Variants in EP300 observed in about 807,000 individuals in gnomAD.
EP300 encodes histone acetyltransferase p300.
EP300 carries 31 observed loss-of-function variants against 264.0 expected under a neutral mutation model. That is an observed-to-expected ratio of 0.12 (90% confidence interval 0.09 to 0.16). EP300 has a LOEUF of 0.16. Among genes scored for constraint, EP300 ranks in the 10% least tolerant of loss-of-function variants. The probability of loss-of-function intolerance (pLI) is 1.00; values close to 1 mark genes in which losing one functional copy is unlikely to be tolerated. For synonymous variants in EP300, 1,340 were observed against 1,045.4 expected (o/e 1.28, Z -5.44); for missense variants, 2,766 against 3,052.9 (o/e 0.91, Z 2.21).
chr22:41,164,250 C>T (rs919563263), intron 22 of EP300, 120 bp downstream of exon 22: 8 of 1,012,812 alleles, frequency 7.9e-6, no homozygotes, highest in African/African-American at 1.6e-5. Context: ...AAATTGTTTT[C>T]TTTGGGTTTG....
At chr22:41,176,607 G>A (rs2145514389) in intron 30 of EP300, 79 bp downstream of exon 30, 1 of 1,608,558 alleles carries the variant, frequency 6.2e-7, no homozygotes, top group Non-Finnish European at 8.5e-7. Context: ...GTATTTTATA[G>A]AGGCCTGTGG....
Position 41,149,155 on chromosome 22 carries a change from G to A in EP300, c.2359G>A (p.Gly787Ser), listed in dbSNP as rs564786569. Reference sequence around the variant, plus strand: ...AAATATCCCTTTGGCTCCGTCCAGCGGTCAAGCTCCAGTGTCTCAAGTATG... The same window carrying A: ...AAATATCCCTTTGGCTCCGTCCAGCAGTCAAGCTCCAGTGTCTCAAGTATG... Reference protein sequence around the residue: ...VTNIPLAPSSGQAPVSQAQMS... With the variant: ...VTNIPLAPSSSQAPVSQAQMS... The change falls in exon 13 of 31, where the codon GGT (glycine) becomes AGT (serine). Residue 787 changes from glycine (G) to serine (S), a missense_variant. Coordinates refer to ENST00000263253, the MANE Select transcript of EP300 (RefSeq NM_001429.4). 212 of 1,613,792 alleles carry A rather than the reference G, an allele frequency of 1.3e-4. 3 individuals carry two copies. In the South Asian group the frequency reaches 1.8e-3, roughly 14 times the overall value.
intron 2 of EP300, among the ~76,000 whole-genome samples, chr22:41,118,979 C>G (rs1022653071): frequency 6.7e-6 from 1 of 149,010 alleles, no homozygotes; most frequent in Admixed American, 6.8e-5. Flanking sequence ...GTAGATTCTC[C>G]CTTTCTGCCC....
intron 5 of EP300, 139 bp from the exon 6 acceptor site, chr22:41,131,249 A>G (rs2058917523): frequency 1.0e-6 from 1 of 992,730 alleles, no homozygotes; most frequent in South Asian, 1.4e-5. Context: ...CTTCCAGGAA[A>G]TAATGGAAGA....
At chr22:41,147,052 C>G (rs2059015050) in intron 11 of EP300, among the ~76,000 whole-genome samples, 1 of 152,152 alleles carries the variant, frequency 6.6e-6, no homozygotes, top group African/African-American at 2.4e-5. Flanking sequence ...CGCTTGTAAT[C>G]CCAGCACTTT....
chr22:41,129,021 T>G (rs1161728687), intron 4 of EP300, among the ~76,000 whole-genome samples: 6 of 152,076 alleles, frequency 3.9e-5, no homozygotes, highest in African/African-American at 1.4e-4. Flanking sequence ...AAACACAGTT[T>G]TTTTTTTGAG....
intron 27 of EP300, 99 bp from the exon 28 acceptor site, chr22:41,172,400 T>C (rs897821620): frequency 8.8e-7 from 1 of 1,133,780 alleles, no homozygotes; most frequent in East Asian, 2.5e-5. Context: ...TTTCAAGACA[T>C]TTTAAGCTTT....
intron 14 of EP300, among the ~76,000 whole-genome samples, 161 bp downstream of exon 14, chr22:41,150,359 C>T (rs1330358993): frequency 6.6e-6 from 1 of 152,106 alleles, no homozygotes; most frequent in African/African-American, 2.4e-5. Flanking sequence ...CCTGTTTTGC[C>T]TTCCTGTGAT....
chr22:41,111,039 C>A (rs146123406), intron 1 of EP300, among the ~76,000 whole-genome samples: 2 of 151,350 alleles, frequency 1.3e-5, no homozygotes, highest in Non-Finnish European at 2.9e-5. Context: ...AATCTCTGCT[C>A]ACTGCAAACT....
intron 7 of EP300, among the ~76,000 whole-genome samples, chr22:41,136,921 A>G (rs189053070): frequency 6.3e-4 from 96 of 152,148 alleles, no homozygotes; most frequent in South Asian, 3.7e-3. Context: ...TTAGCCGGGC[A>G]TGGTGGCATC....
Position 41,146,682 on chromosome 22 carries a change from TTTTG to T in EP300, c.2054-52_2054-49del, listed in dbSNP as rs995732409. Reference sequence around the variant, plus strand: ...TGTGGGGTTTGTGTGTGCAGTGAGTTTTTGTTTGGTTAAGGGAAGATGGTGCAAA... The same window carrying T: ...TGTGGGGTTTGTGTGTGCAGTGAGTTTTTGGTTAAGGGAAGATGGTGCAAA... On this transcript the variant is annotated intron_variant, in intron 10 of 30. Transcript: ENST00000263253. 2.1e-5 allele frequency: 32 copies of T among 1,519,218 alleles called. No individual in the cohort carries two copies. In the African/African-American group the frequency reaches 3.0e-4, roughly 14 times the overall value. 94.1% of individuals were successfully genotyped at this position (1,519,218 alleles called of 1,614,324 possible). A position where few individuals can be genotyped will look rare whatever the true frequency, so the allele number is the denominator to read the frequency against.
In EP300 at chr22:41,119,816, C is replaced by T. The variant is rs1449449166; in HGVS notation, c.729+1995C>T. Among the ~76,000 whole-genome samples the T allele has an allele frequency of 2.6e-5, 4 of 152,036 alleles. No individual in the cohort carries two copies. In the East Asian group the frequency reaches 7.7e-4, roughly 29 times the overall value. On this transcript the variant is annotated intron_variant, in intron 2 of 30. Coordinates refer to ENST00000263253, the MANE Select transcript of EP300 (RefSeq NM_001429.4). ...CTTCTGTTAAACGATATTTTATTTC[C>T]TTATTTGATTTTTATTTTGAGACCG...
At chr22:41,141,408 C>G (rs543524422) in intron 10 of EP300, among the ~76,000 whole-genome samples, 186 bp downstream of exon 10, 1 of 152,192 alleles carries the variant, frequency 6.6e-6, no homozygotes, top group Admixed American at 6.5e-5. Flanking sequence ...TTTAAGATGT[C>G]TGGGCATGGT....
rs542963970 is a variant in EP300, at chr22:41,137,583, T to A, written c.1623-70T>A. ...ATTGATTCCATTACAATAATCAGTG[T>A]CAGCTTGAATTAAATGAGGTCTTCT... On this transcript the variant is annotated intron_variant, in intron 7 of 30. Coordinates refer to ENST00000263253, the MANE Select transcript of EP300 (RefSeq NM_001429.4). 1.0e-5 allele frequency: 16 copies of A among 1,592,454 alleles called. No individual in the cohort carries two copies. In the African/African-American group the frequency reaches 2.0e-4, roughly 20 times the overall value.
chr22:41,113,838 G>A (rs1241512520), intron 1 of EP300, among the ~76,000 whole-genome samples: 1 of 152,186 alleles, frequency 6.6e-6, no homozygotes. Flanking sequence ...GAGCCACTGC[G>A]CCCGGCCTTT....
At chr22:41,097,662 C>G (rs951112125) in intron 1 of EP300, among the ~76,000 whole-genome samples, 1 of 152,100 alleles carries the variant, frequency 6.6e-6, no homozygotes, top group African/African-American at 2.4e-5. Flanking sequence ...GTAAAAGATG[C>G]TAGTTTTATG....
intron 23 of EP300, chr22:41,168,188 T>C (rs2059151176): frequency 2.1e-6 from 1 of 474,392 alleles, no homozygotes; most frequent in African/African-American, 2.0e-5. Context: ...TTGGGGAAAA[T>C]GATATTTAGA....
intron 10 of EP300, 127 bp downstream of exon 10, chr22:41,141,349 C>A: frequency 9.7e-7 from 1 of 1,035,530 alleles, no homozygotes. Context: ...TTTGCCTTTG[C>A]AAAGAAAATA....
At chr22:41,169,799 G>A (rs1398740824) in intron 26 of EP300, among the ~76,000 whole-genome samples, 183 bp downstream of exon 26, 1 of 152,176 alleles carries the variant, frequency 6.6e-6, no homozygotes, top group Non-Finnish European at 1.5e-5. Flanking sequence ...AAATGGATAT[G>A]TTGGCCCTAG....
Sources: gnomAD v4.1 joint callset for allele counts (sites outside exome capture counted in the v4.1 genomes callset) on GRCh38, gnomAD v4.1.1 for gene constraint, MANE v1.5 for transcripts, NCBI Gene and HGNC (gene_info 2026-07-23, HGNC 2026-07-21) for gene names.